Variants in ZNF765 observed in about 807,000 individuals in gnomAD.
ZNF765 encodes the protein zinc finger protein 765.
In ZNF765, 37 loss-of-function variants were observed where a neutral mutation model predicts 44.7. The observed-to-expected ratio is 0.83, with a 90% CI of 0.64 to 1.09. ZNF765 has a LOEUF of 1.09. Among genes scored for constraint, ZNF765 ranks in the 50% least tolerant of loss-of-function variants. ZNF765 has a pLI of 0.00. For synonymous variants in ZNF765, 201 were observed against 213.7 expected, an observed-to-expected ratio of 0.94 and a Z score of 0.52; for missense variants, 594 against 626.1, an observed-to-expected ratio of 0.95 and a Z score of 0.55.
chr19:53,418,744 A>C (rs916185425), intron 3 of ZNF765, among the ~76,000 whole-genome samples: 6 of 151,862 alleles, frequency 4.0e-5, no homozygotes, highest in Admixed American at 3.9e-4. Context: ...ATCTGTACTA[A>C]AAATACAAAA....
downstream of ZNF765, among the ~76,000 whole-genome samples, chr19:53,414,579 T>A (rs1400431461): frequency 6.8e-6 from 1 of 146,690 alleles, no homozygotes; most frequent in African/African-American, 2.5e-5. Flanking sequence ...AAAACTACCT[T>A]ATAGACTTTC....
chr19:53,400,783 T>TATACATACAC (rs10664389), intron 2 of ZNF765, among the ~76,000 whole-genome samples: 1 of 126,760 alleles, frequency 7.9e-6, no homozygotes, highest in African/African-American at 3.0e-5. Flanking sequence ...TATATATATA[T>TATACATACAC]ACACACATAC....
intron 3 of ZNF765, among the ~76,000 whole-genome samples, chr19:53,417,293 T>C (rs2085880873): frequency 6.6e-6 from 1 of 152,126 alleles, no homozygotes; most frequent in East Asian, 1.9e-4. Flanking sequence ...CCCTATGCCC[T>C]CCAATAGGCC....
chr19:53,408,496 T>G lies in ZNF765; in HGVS notation c.941T>G (p.Leu314Arg). The change falls in exon 4 of 4, where the codon CTT (leucine) becomes CGT (arginine). Residue 314 changes from leucine (L) to arginine (R), a missense_variant. Physicochemically the swap from Leu to Arg is moderately radical, Grantham distance 102. Coordinates refer to ENST00000396408, the MANE Select transcript of ZNF765 (RefSeq NM_001040185.3). ...CDKAFHFKSK[L>R]QIHRRIHTGE... ...AAAGCTTTCCATTTCAAATCAAAGC[T>G]TCAAATACATAGGAGAATTCATACT... 1 of 1,612,272 alleles carries G rather than the reference T, an allele frequency of 6.2e-7. No individual in the cohort carries two copies. Among genetic ancestry groups the G allele is most frequent in the African/African-American group, 1.3e-5 (1 of 74,764 alleles).
intron 1 of ZNF765, among the ~76,000 whole-genome samples, chr19:53,396,190 G>C (rs1600043091): frequency 6.6e-6 from 1 of 152,030 alleles, no homozygotes; most frequent in Non-Finnish European, 1.5e-5. Flanking sequence ...AAGGAGAACA[G>C]AGGGAGAAGC....
chr19:53,398,173 A>T, intron 2 of ZNF765, 143 bp downstream of exon 2: 2 of 1,492,630 alleles, frequency 1.3e-6, no homozygotes, highest in Non-Finnish European at 1.9e-6. Flanking sequence ...ATTCCCTCTT[A>T]TCTTGCTTAG....
chr19:53,398,442 C>G (rs2085691754), intron 2 of ZNF765, among the ~76,000 whole-genome samples: 1 of 152,050 alleles, frequency 6.6e-6, no homozygotes, highest in Non-Finnish European at 1.5e-5. Context: ...AAAAGGTGAC[C>G]AATATGGAGC....
At chr19:53,413,607 T>G (rs934901756), downstream of ZNF765, among the ~76,000 whole-genome samples, 4 of 150,624 alleles carry the variant, frequency 2.7e-5, no homozygotes, top group African/African-American at 4.9e-5. Flanking sequence ...TAGGTTTTTT[T>G]TTTTTTTTTT....
Position 53,407,922 on chromosome 19 carries a change from A to G in ZNF765, c.367A>G (p.Thr123Ala), listed in dbSNP as rs769731334. The change falls in exon 4 of 4, where the codon ACA becomes GCA. Residue 123 changes from threonine to alanine, a missense_variant. Thr to Ala is a moderately conservative substitution (Grantham distance 58). Transcript: ENST00000396408. ...MTKIKKLTGS[T>A]ERYDQNYAGN... ...AAAAATCAAAAAGTTGACAGGTAGT[A>G]CAGAGCGATATGATCAAAATTATGC... 1 of 1,614,206 alleles carries G rather than the reference A, an allele frequency of 6.2e-7. No individual in the cohort carries two copies. The highest frequency in any genetic ancestry group is 8.5e-7 in the Non-Finnish European group (1 of 1,180,030).
chr19:53,403,957 A>G (rs1252893076), intron 3 of ZNF765, among the ~76,000 whole-genome samples: 1 of 152,158 alleles, frequency 6.6e-6, no homozygotes, highest in Admixed American at 6.5e-5. Context: ...TCGCATTAAC[A>G]TATATGTAGT....
At chr19:53,407,265 A>G (rs2061771) in intron 3 of ZNF765, among the ~76,000 whole-genome samples, 125,223 of 152,192 alleles carry the variant, frequency 0.82, 51,814 homozygotes, top group Admixed American at 0.87. Flanking sequence ...GGTTATCCTT[A>G]CATAATCTTG....
chr19:53,402,492 C>T (rs1219499507), intron 3 of ZNF765, among the ~76,000 whole-genome samples: 6 of 151,970 alleles, frequency 3.9e-5, no homozygotes, highest in Non-Finnish European at 8.8e-5. Context: ...GAAATCCTGA[C>T]CTCGTGATCC....
downstream of ZNF765, chr19:53,413,373 T>C (rs1270087488): frequency 3.5e-6 from 2 of 569,592 alleles, no homozygotes; most frequent in Non-Finnish European, 6.8e-6. Flanking sequence ...GGCACACATA[T>C]TTATGCTGTC....
intron 3 of ZNF765, among the ~76,000 whole-genome samples, chr19:53,403,818 G>A (rs2085750773): frequency 6.7e-6 from 1 of 148,778 alleles, no homozygotes; most frequent in South Asian, 2.2e-4. Context: ...CTCCAGCCTG[G>A]GTGACAGCAC....
intron 1 of ZNF765, among the ~76,000 whole-genome samples, chr19:53,396,379 G>A (rs1417217875): frequency 6.6e-6 from 1 of 152,218 alleles, no homozygotes; most frequent in Non-Finnish European, 1.5e-5. Context: ...GTACGCACCG[G>A]CTCAGTGGAT....
downstream of ZNF765, chr19:53,413,116 G>GAAAA: frequency 2.9e-5 from 10 of 339,482 alleles, no homozygotes; most frequent in Non-Finnish European, 4.6e-5. Context: ...GTCTCAAAAA[G>GAAAA]AAAAAAAAAA....
Position 53,408,773 on chromosome 19 carries a change from T to C in ZNF765, c.1218T>C (p.Thr406=). The C allele has an allele frequency of 1.2e-6, 2 of 1,614,010 alleles. No homozygotes were observed. The highest frequency in any genetic ancestry group is 1.3e-5 in the African/African-American group (1 of 75,002). The change falls in exon 4 of 4, where the codon ACT becomes ACC. Residue 406 remains threonine (T), a synonymous_variant. Transcript: ENST00000396408. ...SSLTYHRRLH[T]EEKPYKCNEC... is the part of the protein sequence containing the mutation. Reference sequence around the variant, plus strand: ...TTACATACCATCGTAGACTTCATACTGAAGAGAAACCTTACAAGTGTAATG... The same window carrying C: ...TTACATACCATCGTAGACTTCATACCGAAGAGAAACCTTACAAGTGTAATG...
rs7254580 is a variant in ZNF765, at chr19:53,406,086, A to G, written c.143-1612A>G. Among the ~76,000 whole-genome samples the G allele has an allele frequency of 3.5e-5, 5 of 141,398 alleles. 1 individual carries two copies. Among genetic ancestry groups the G allele is most frequent in the Admixed American group, 2.1e-4 (3 of 14,176 alleles). The allele number at this position is 141,398 out of a possible 152,430, so 92.8% of individuals were successfully genotyped here. A position where few individuals can be genotyped will look rare whatever the true frequency, so the allele number is the denominator to read the frequency against. ...ACTCTGTCACTCAGCTGGAGTGCACAGGTGCAATCTCGGCTCACTACAACC... is the reference window on the plus strand; with the variant it reads ...ACTCTGTCACTCAGCTGGAGTGCACGGGTGCAATCTCGGCTCACTACAACC... On this transcript the variant is annotated intron_variant, in intron 3 of 3. Transcript: ENST00000396408.
downstream of ZNF765, among the ~76,000 whole-genome samples, chr19:53,414,504 CCCCCCG>C (rs2085862990): frequency 2.0e-5 from 1 of 50,680 alleles, no homozygotes; most frequent in Non-Finnish European, 5.3e-5. Flanking sequence ...CCCCCCCCCC[CCCCCCG>C]GGGAAAAGCC....
Sources: gnomAD v4.1 joint callset for allele counts (sites outside exome capture counted in the v4.1 genomes callset) on GRCh38, gnomAD v4.1.1 for gene constraint, MANE v1.5 for transcripts, NCBI Gene and HGNC (gene_info 2026-07-23, HGNC 2026-07-21) for gene names.